Variants in NRXN3 observed in about 807,000 individuals in gnomAD.
NRXN3 encodes neurexin 3.
A neutral mutation model predicts 137.6 loss-of-function variants in NRXN3; 32 were observed. The observed-to-expected ratio is 0.23, with a 90% confidence interval of 0.18 to 0.31. NRXN3 has a LOEUF of 0.31. Ranked by LOEUF, NRXN3 falls within the 10% of genes least tolerant of loss-of-function variation. The pLI is 1.00. For missense variants in NRXN3, 1,574 were observed against 2,062.5 expected (o/e 0.76, Z 4.59); for synonymous variants, 798 against 784.5 (o/e 1.02, Z -0.29).
At chr14:78,899,775 A>G (rs1486756330) in intron 10 of NRXN3, among the ~76,000 whole-genome samples, 1 of 152,012 alleles carries the variant, frequency 6.6e-6, no homozygotes, top group Admixed American at 6.6e-5. Flanking sequence ...TGTTTCTATA[A>G]AAGTACTACT....
At chr14:78,199,757 G>T (rs555216233) in intron 1 of NRXN3, among the ~76,000 whole-genome samples, 1 of 152,330 alleles carries the variant, frequency 6.6e-6, no homozygotes, top group East Asian at 1.9e-4. Flanking sequence ...CTCCCAGGAG[G>T]TTTGATGAGC....
At position 79,089,127 on chromosome 14, in the gene NRXN3, C is replaced by T. The variant is rs889221900; in HGVS notation, c.3262+100986C>T. 1.1e-4 allele frequency among the ~76,000 whole-genome samples: 16 copies of T among 152,214 alleles called. 1 individual carries two copies. The highest frequency in any genetic ancestry group is 3.6e-4 in the African/African-American group (15 of 41,546). ...CCTCCCTATGTCCCACCTGTTTTGT[C>T]TCAGAGGGGATAAGTCAATAGAGCT... On this transcript the variant is annotated intron_variant, in intron 15 of 20. Transcript: ENST00000335750.
chr14:79,609,846 GA>G (rs1349024565), intron 16 of NRXN3, among the ~76,000 whole-genome samples: 2 of 151,726 alleles, frequency 1.3e-5, no homozygotes, highest in East Asian at 3.9e-4. Flanking sequence ...ACTAACACAA[GA>G]ACAGAAAACC....
intron 8 of NRXN3, among the ~76,000 whole-genome samples, chr14:78,738,513 T>C (rs1863032): frequency 0.99 from 149,993 of 152,196 alleles, 73,934 homozygotes; most frequent in Middle Eastern, 1. Flanking sequence ...ATCTGTGTGT[T>C]GCTGCCCATC....
chr14:78,559,841 C>G (rs2096770902), intron 4 of NRXN3, among the ~76,000 whole-genome samples: 1 of 152,228 alleles, frequency 6.6e-6, no homozygotes, highest in African/African-American at 2.4e-5. Context: ...AGCAGGCTCT[C>G]ATTTGAGCCC....
intron 19 of NRXN3, among the ~76,000 whole-genome samples, chr14:79,765,032 A>T (rs1377020111): frequency 6.6e-6 from 1 of 152,206 alleles, no homozygotes; most frequent in African/African-American, 2.4e-5. Flanking sequence ...CAACATTTAC[A>T]TAGACATCCA....
chr14:78,497,975 C>A lies in NRXN3; in HGVS notation c.758-147145C>A, dbSNP rs117933692. Reference sequence around the variant, plus strand: ...GTTTGCATTCAATCATCTCCCCTTTCGCTTTTTCATCAGTTTATTCCTTTG... The same window carrying A: ...GTTTGCATTCAATCATCTCCCCTTTAGCTTTTTCATCAGTTTATTCCTTTG... On this transcript the variant is annotated intron_variant, in intron 4 of 20. Coordinates refer to ENST00000335750, the MANE Select transcript of NRXN3 (RefSeq NM_001330195.2). Among the ~76,000 whole-genome samples the A allele has an allele frequency of 8.5e-5, 13 of 152,292 alleles. 1 individual carries two copies. In the East Asian group the frequency reaches 2.5e-3, roughly 29 times the overall value.
intron 4 of NRXN3, among the ~76,000 whole-genome samples, chr14:78,546,565 C>A (rs1398884087): frequency 1.3e-5 from 2 of 152,078 alleles, no homozygotes; most frequent in Non-Finnish European, 2.9e-5. Flanking sequence ...TTCCCCGTCC[C>A]CACCTTTAAA....
In NRXN3 at chr14:79,658,491, C is replaced by T. The variant is rs79330729; in HGVS notation, c.3445-5287C>T. Among the ~76,000 whole-genome samples, 4 of 152,244 alleles carry T rather than the reference C, an allele frequency of 2.6e-5. No homozygotes were observed. The East Asian group carries it at 5.8e-4, about 22-fold the overall frequency. On this transcript the variant is annotated intron_variant, in intron 16 of 20. Transcript: ENST00000335750. ...GGTTGACAACAAATGAGAGAACTCT[C>T]GTGGGTCTCACACCAGCAACTAAAT...
intron 4 of NRXN3, among the ~76,000 whole-genome samples, chr14:78,541,581 G>A (rs571040564): frequency 5.1e-4 from 77 of 152,248 alleles, no homozygotes; most frequent in African/African-American, 1.8e-3. Flanking sequence ...GCTTGGAGAC[G>A]TTTGTTATTA....
chr14:79,054,243 T>A (rs940648456), intron 15 of NRXN3, among the ~76,000 whole-genome samples: 2 of 151,882 alleles, frequency 1.3e-5, no homozygotes, highest in Non-Finnish European at 2.9e-5. Context: ...CACACCAACA[T>A]GCCACATGTA....
chr14:78,696,766 T>A (rs2098230352), intron 6 of NRXN3, among the ~76,000 whole-genome samples: 1 of 152,072 alleles, frequency 6.6e-6, no homozygotes, highest in Non-Finnish European at 1.5e-5. Flanking sequence ...CATCTTGGTT[T>A]GAATATATTT....
intron 17 of NRXN3, among the ~76,000 whole-genome samples, chr14:79,690,673 T>TG (rs1458240206): frequency 6.6e-6 from 1 of 152,068 alleles, no homozygotes; most frequent in African/African-American, 2.4e-5. Flanking sequence ...GAGAAGTGAA[T>TG]GGGGAACCTT....
At chr14:78,498,292 C>T (rs556814265) in intron 4 of NRXN3, among the ~76,000 whole-genome samples, 15 of 152,236 alleles carry the variant, frequency 9.9e-5, no homozygotes, top group Middle Eastern at 6.8e-3. Context: ...GATGATCCTC[C>T]GGCTGCTTCT....
At chr14:79,051,577 T>C (rs773208920) in intron 15 of NRXN3, among the ~76,000 whole-genome samples, 5 of 152,222 alleles carry the variant, frequency 3.3e-5, no homozygotes, top group Non-Finnish European at 7.3e-5. Flanking sequence ...GAAACATTTA[T>C]GCTTAGCTAT....
intron 4 of NRXN3, among the ~76,000 whole-genome samples, chr14:78,564,893 A>C (rs530614745): frequency 2.0e-5 from 3 of 152,102 alleles, no homozygotes; most frequent in Non-Finnish European, 4.4e-5. Flanking sequence ...CAGGGATCAG[A>C]TTATGTTCCA....
At chr14:79,363,768 T>G (rs2093774854) in intron 15 of NRXN3, among the ~76,000 whole-genome samples, 1 of 152,234 alleles carries the variant, frequency 6.6e-6, no homozygotes, top group African/African-American at 2.4e-5. Context: ...ATCTTTGTGC[T>G]TTTCAATTGC....
chr14:78,501,133 G>C (rs1861082), intron 4 of NRXN3, among the ~76,000 whole-genome samples: 63,425 of 151,944 alleles, frequency 0.42, 13,425 homozygotes, highest in East Asian at 0.5. Context: ...ACAAATTACT[G>C]TTGAACTTAG....
At position 78,552,538 on chromosome 14, in the gene NRXN3, C is replaced by T. The variant is rs142779741; in HGVS notation, c.758-92582C>T. Among the ~76,000 whole-genome samples, 136 of 152,252 alleles carry T rather than the reference C, an allele frequency of 8.9e-4. 1 individual carries two copies. Among genetic ancestry groups the T allele is most frequent in the Admixed American group, 3.1e-3 (48 of 15,290 alleles). On this transcript the variant is annotated intron_variant, in intron 4 of 20. Coordinates refer to ENST00000335750, the MANE Select transcript of NRXN3 (RefSeq NM_001330195.2). ...CAACATAGCCAAGTATGATGGTGCA[C>T]GCCTGTAGCCCCAGCTACTCAGGAG...
Sources: gnomAD v4.1 joint callset for allele counts (sites outside exome capture counted in the v4.1 genomes callset) on GRCh38, gnomAD v4.1.1 for gene constraint, MANE v1.5 for transcripts, NCBI Gene and HGNC (gene_info 2026-07-23, HGNC 2026-07-21) for gene names.